Variants in NDUFS1 observed in about 807,000 individuals in gnomAD.
The protein encoded by NDUFS1 is NADH:ubiquinone oxidoreductase core subunit S1.
Under a neutral mutation model 84.4 loss-of-function variants are expected in NDUFS1, and 61 were observed. The ratio of observed to expected loss-of-function variants is 0.72; its 90% confidence interval spans 0.59 to 0.89. The LOEUF is 0.89. Among genes scored for constraint, NDUFS1 ranks in the 40% least tolerant of loss-of-function variants. The pLI, the probability that NDUFS1 is intolerant of heterozygous loss-of-function variation, is 0.00. For missense variants in NDUFS1, 891 were observed against 890.0 expected, an observed-to-expected ratio of 1.00 and a Z score of -0.01; for synonymous variants, 275 against 290.0, an observed-to-expected ratio of 0.95 and a Z score of 0.53.
In NDUFS1 at chr2:206,130,128, T is replaced by C. The variant is rs1057521895; in HGVS notation, c.1668A>G (p.Thr556=). Residue 556 remains threonine (T), a synonymous_variant, in exon 15 of 19, where the codon ACA becomes ACG. Transcript: ENST00000233190. ...AACAATCCTTTGGCAAATCCTGTCG[T>C]GTGATACAACCTCCATCTGCTCCCA... The part of the protein sequence containing the change: ...FLLGADGGCI[T]RQDLPKDCFI... 6.2e-7 allele frequency: 1 copy of C among 1,614,212 alleles called. No homozygotes were observed. Among genetic ancestry groups the C allele is most frequent in the South Asian group, 1.1e-5 (1 of 91,086 alleles).
At chr2:206,156,448 G>A (rs948837971) in intron 1 of NDUFS1, among the ~76,000 whole-genome samples, 27 of 151,440 alleles carry the variant, frequency 1.8e-4, no homozygotes, top group Admixed American at 1.5e-3. Context: ...GGTGGCATGC[G>A]CCTGTGGTCC....
chr2:206,125,092 C>CT (rs1000797106), intron 18 of NDUFS1, among the ~76,000 whole-genome samples: 1 of 121,458 alleles, frequency 8.2e-6, no homozygotes, highest in Non-Finnish European at 1.8e-5. Context: ...GCCATCTGCC[C>CT]CCCTCAGCCT....
intron 13 of NDUFS1, among the ~76,000 whole-genome samples, chr2:206,135,361 A>G (rs1256975622): frequency 1.3e-5 from 2 of 152,096 alleles, no homozygotes; most frequent in East Asian, 3.9e-4. Flanking sequence ...TGAAAAATGT[A>G]TTTAAATCTA....
intron 1 of NDUFS1, among the ~76,000 whole-genome samples, chr2:206,156,591 A>C (rs1263687029): frequency 6.6e-6 from 1 of 152,196 alleles, no homozygotes; most frequent in Non-Finnish European, 1.5e-5. Context: ...AAAAGAAAAA[A>C]GGCAAATTAT....
chr2:206,142,588 T>C (rs975215516), intron 11 of NDUFS1, 98 bp downstream of exon 11: 1 of 1,446,976 alleles, frequency 6.9e-7, no homozygotes, highest in Non-Finnish European at 9.6e-7. Flanking sequence ...GAAAATAAAC[T>C]GGGGGATATG....
At chr2:206,138,654 C>A in intron 12 of NDUFS1, 40 bp from the exon 13 acceptor site, 1 of 1,604,124 alleles carries the variant, frequency 6.2e-7, no homozygotes, top group South Asian at 1.1e-5. Context: ...AATAACTAAG[C>A]TAAGCAGTTA....
intron 18 of NDUFS1, among the ~76,000 whole-genome samples, chr2:206,126,026 T>C (rs1029869839): frequency 2.6e-5 from 4 of 152,236 alleles, no homozygotes; most frequent in Non-Finnish European, 4.4e-5. Flanking sequence ...TGCTTTTAGA[T>C]AGAAAATTAG....
Position 206,114,826 on chromosome 2 carries a change from T to C in NDUFS1, c.*9359A>G, listed in dbSNP as rs1448919121. On this transcript the variant is annotated 3_prime_UTR_variant, in exon 19 of 19. Coordinates refer to ENST00000233190, the MANE Select transcript of NDUFS1 (RefSeq NM_005006.7). ...TTAATTGATCCAGGGGTAATCACAA[T>C]TAAGTTTTTATTGTATCTGCTGAGA... The C allele has an allele frequency of 6.6e-6, 1 of 152,248 alleles. No individual in the cohort carries two copies. The highest frequency in any genetic ancestry group is 6.5e-5 in the Admixed American group (1 of 15,280). 9.4% of individuals were successfully genotyped at this position (152,248 alleles called of 1,614,324 possible). A position where few individuals can be genotyped will look rare whatever the true frequency, so the allele number is the denominator to read the frequency against.
At chr2:206,149,773 T>C (rs1692295933) in intron 4 of NDUFS1, 45 bp downstream of exon 4, 1 of 1,429,414 alleles carries the variant, frequency 7.0e-7, no homozygotes. Flanking sequence ...GATTTAAAGT[T>C]TTCTACCTTC....
At chr2:206,155,531 T>C (rs1408931425) in intron 1 of NDUFS1, among the ~76,000 whole-genome samples, 1 of 151,962 alleles carries the variant, frequency 6.6e-6, no homozygotes, top group African/African-American at 2.4e-5. Flanking sequence ...TTCAAGCAAT[T>C]CTCAGCCTCC....
chr2:206,137,995 A>C (rs1691785283), intron 13 of NDUFS1, among the ~76,000 whole-genome samples: 1 of 152,152 alleles, frequency 6.6e-6, no homozygotes, highest in South Asian at 2.1e-4. Flanking sequence ...CTCTACATAA[A>C]TGGAGAGATT....
intron 1 of NDUFS1, among the ~76,000 whole-genome samples, chr2:206,158,064 C>T (rs926264758): frequency 6.7e-6 from 1 of 148,156 alleles, no homozygotes. Flanking sequence ...CCCGGGTTCA[C>T]GCCAGCCTCC....
chr2:206,129,551 G>C (rs10181933), intron 15 of NDUFS1, among the ~76,000 whole-genome samples: 2 of 151,552 alleles, frequency 1.3e-5, no homozygotes, highest in Admixed American at 1.3e-4. Flanking sequence ...CATGAGCCAC[G>C]GCACCCAAGG....
rs781515471 is a variant in NDUFS1, at chr2:206,145,004, T to C, written c.760A>G (p.Met254Val). 6.8e-6 allele frequency: 11 copies of C among 1,614,030 alleles called. No individual in the cohort carries two copies. The highest frequency in any genetic ancestry group is 9.3e-6 in the Non-Finnish European group (11 of 1,179,950). ...ETRKTESIDVMDAVGSNIVVS... is the reference protein window; with the variant it reads ...ETRKTESIDVVDAVGSNIVVS... ...ACAATATTACTTCCAACCGCATCCA[T>C]TACATCAATGGATTCTGTCTTTCTG... The change falls in exon 9 of 19, where the codon ATG becomes GTG. Residue 254 changes from methionine (M) to valine (V), a missense_variant. Coordinates refer to ENST00000233190, the MANE Select transcript of NDUFS1 (RefSeq NM_005006.7).
At position 206,133,077 on chromosome 2, in the gene NDUFS1, A is replaced by G. The variant is rs1464863246; in HGVS notation, c.1421T>C (p.Val474Ala). The G allele has an allele frequency of 6.2e-7, 1 of 1,612,634 alleles. No homozygotes were observed. The highest frequency in any genetic ancestry group is 1.1e-5 in the South Asian group (1 of 90,748). Residue 474 changes from valine (V) to alanine (A), a missense_variant, in exon 14 of 19, where the codon GTG becomes GCG. Val to Ala is a moderately conservative substitution (Grantham distance 64). Coordinates refer to ENST00000233190, the MANE Select transcript of NDUFS1 (RefSeq NM_005006.7). ...QVLKEAKKPM[V>A]VLGSSALQRN... is the part of the protein sequence containing the mutation. ...TTGGAGTGCAGAACTGCCTAAAACC[A>G]CCATTGGTTTTTTAGCTTCCTTTAG...
In NDUFS1 at chr2:206,144,894, G is replaced by T. The variant is rs773850118; in HGVS notation, c.870C>A (p.Thr290=). ...AAGGAAAACAATATAGCATATACCT[G>T]GTTTTATCAGAGATCCACTCTTCAT... The part of the protein sequence containing the change: ...DINEEWISDK[T]RFAYDGLKRQ... The change falls in exon 9 of 19, where the codon ACC becomes ACA. Residue 290 remains threonine (T), a splice_region_variant and synonymous_variant. Transcript: ENST00000233190. The T allele has an allele frequency of 6.2e-7, 1 of 1,613,760 alleles. No homozygotes were observed. The highest frequency in any genetic ancestry group is 8.5e-7 in the Non-Finnish European group (1 of 1,179,818).
chr2:206,141,069 G>A (rs1284856746), intron 12 of NDUFS1, among the ~76,000 whole-genome samples: 6 of 151,834 alleles, frequency 4.0e-5, no homozygotes, highest in Non-Finnish European at 7.4e-5. Flanking sequence ...AAAATAAAAA[G>A]CTAATAAAGT....
In NDUFS1 at chr2:206,138,587, G is replaced by A. The variant is rs1457842919; in HGVS notation, c.1290C>T (p.Ala430=). ...KSWLHNDLKV[A]LIGSPVDLTY... ...TGAGGTCCACTGGACTGCCTATAAGGGCCACTTTTAAGTCATTATGCAGCC... is the reference window on the plus strand; with the variant it reads ...TGAGGTCCACTGGACTGCCTATAAGAGCCACTTTTAAGTCATTATGCAGCC... The change falls in exon 13 of 19, where the codon GCC becomes GCT. Residue 430 remains alanine, a synonymous_variant. Coordinates refer to ENST00000233190, the MANE Select transcript of NDUFS1 (RefSeq NM_005006.7). 2 of 1,613,882 alleles carry A rather than the reference G, an allele frequency of 1.2e-6. No individual in the cohort carries two copies. Among genetic ancestry groups the A allele is most frequent in the Admixed American group, 1.7e-5 (1 of 60,016 alleles).
At chr2:206,131,364 T>C (rs1170163009) in intron 14 of NDUFS1, among the ~76,000 whole-genome samples, 8 of 152,330 alleles carry the variant, frequency 5.3e-5, no homozygotes, top group African/African-American at 1.4e-4. Flanking sequence ...TGATATCAAT[T>C]AGCCATTAAC....
Sources: gnomAD v4.1 joint callset for allele counts (sites outside exome capture counted in the v4.1 genomes callset) on GRCh38, gnomAD v4.1.1 for gene constraint, MANE v1.5 for transcripts, NCBI Gene and HGNC (gene_info 2026-07-23, HGNC 2026-07-21) for gene names.